The following PKP1 variants were observed in gnomAD, a reference collection of about 807,000 sequenced individuals.
PKP1 encodes the protein plakophilin-1.
PKP1 carries 27 observed loss-of-function variants against 76.4 expected under a neutral mutation model. The ratio of observed to expected loss-of-function variants is 0.35; its 90% confidence interval spans 0.26 to 0.49. The LOEUF (loss-of-function observed/expected upper bound fraction) is 0.49, where lower values mean the gene tolerates loss of function less well. Ranked by LOEUF, PKP1 falls within the 20% of genes least tolerant of loss-of-function variation. The probability of loss-of-function intolerance (pLI) is 0.99; values close to 1 mark genes in which losing one functional copy is unlikely to be tolerated. For missense variants in PKP1, 964 were observed against 955.2 expected (o/e 1.01, Z -0.12); for synonymous variants, 404 against 384.2 (o/e 1.05, Z -0.60).
intron 3 of PKP1, chr1:201,316,305 G>A (rs570720669): frequency 1.1e-5 from 6 of 532,086 alleles, no homozygotes; most frequent in East Asian, 9.2e-5. Context: ...ATACCTGCTA[G>A]GACATTAACT....
At chr1:201,313,608 G>A in intron 3 of PKP1, 48 bp downstream of exon 3, 1 of 1,587,518 alleles carries the variant, frequency 6.3e-7, no homozygotes, top group Non-Finnish European at 8.6e-7. Flanking sequence ...CCAGTGGGGA[G>A]ACACACCCTT....
Position 201,304,757 on chromosome 1 carries a change from ACT to A in PKP1, c.307-8406_307-8405del, listed in dbSNP as rs1656327341. On this transcript the variant is annotated intron_variant, in intron 2 of 13. Transcript: ENST00000367324. The stretch of plus-strand genomic sequence containing the variant: ...CTGTAGGCTTTGTTTGTGTCACCAG[ACT>A]CTGGTAGCAGAGTGGCTGGAAGAAA... 7.9e-5 allele frequency among the ~76,000 whole-genome samples: 12 copies of A among 152,100 alleles called. No homozygotes were observed. The South Asian group carries it at 2.5e-3, about 32-fold the overall frequency.
At chr1:201,289,688 GCACACACACACACACA>G (rs3057891) in intron 1 of PKP1, among the ~76,000 whole-genome samples, 6 of 145,052 alleles carry the variant, frequency 4.1e-5, no homozygotes, top group Admixed American at 3.5e-4. Flanking sequence ...TGGGAGGAGT[GCACACACACACACACA>G]CACACACACA....
chr1:201,301,277 A>C (rs1347496224), intron 2 of PKP1, among the ~76,000 whole-genome samples: 3 of 152,202 alleles, frequency 2.0e-5, no homozygotes, highest in African/African-American at 7.2e-5. Flanking sequence ...GCTGCTTAGC[A>C]AGTGGGGAGC....
Position 201,321,857 on chromosome 1 carries a change from C to T in PKP1, c.1348-121C>T, listed in dbSNP as rs12122545. 110,700 of 1,090,508 alleles carry T rather than the reference C, an allele frequency of 0.1. 6,821 individuals carry two copies. The highest frequency in any genetic ancestry group is 0.21 in the African/African-American group (13,690 of 64,710). The allele number at this position is 1,090,508 out of a possible 1,614,324, so 67.6% of individuals were successfully genotyped here. ...CAGGCTGATAGTGTGGTGGTGCCTG[C>T]GCTCATCTTTCCCGATGCAGCCCAG... is the stretch of plus-strand genomic sequence containing the variant. On this transcript the variant is annotated intron_variant, in intron 7 of 13. Transcript: ENST00000367324.
chr1:201,306,459 G>A (rs952453285), intron 2 of PKP1, among the ~76,000 whole-genome samples: 1 of 152,262 alleles, frequency 6.6e-6, no homozygotes, highest in Non-Finnish European at 1.5e-5. Context: ...CCTCACTGGA[G>A]AAAGAAGCAT....
chr1:201,325,807 C>T lies in PKP1; in HGVS notation c.2075C>T (p.Ser692Phe), dbSNP rs927887275. Residue 692 changes from serine to phenylalanine, a missense_variant, in exon 12 of 14, where the codon TCC (serine) becomes TTC (phenylalanine). Ser to Phe is a radical substitution (Grantham distance 155, BLOSUM62 -2). Coordinates refer to ENST00000367324, the MANE Select transcript of PKP1 (RefSeq NM_001005337.3). Reference sequence around the variant, plus strand: ...CGGCTTCTCCTGTCTGACATGTGGTCCAGCAAGGAACTGCAGGGTGTCCTC... The same window carrying T: ...CGGCTTCTCCTGTCTGACATGTGGTTCAGCAAGGAACTGCAGGGTGTCCTC... ...AARLLLSDMW[S>F]SKELQGVLRQ... 1 of 1,613,860 alleles carries T rather than the reference C, an allele frequency of 6.2e-7. No individual in the cohort carries two copies. The highest frequency in any genetic ancestry group is 8.5e-7 in the Non-Finnish European group (1 of 1,179,918).
Position 201,320,383 on chromosome 1 carries a change from T to C in PKP1, c.1347+2T>C. The C allele has an allele frequency of 1.9e-6, 3 of 1,593,366 alleles. No homozygotes were observed. Among genetic ancestry groups the C allele is most frequent in the Non-Finnish European group, 2.6e-6 (3 of 1,161,198 alleles). On this transcript the variant is annotated splice_donor_variant, in intron 7 of 13. Coordinates refer to ENST00000367324, the MANE Select transcript of PKP1 (RefSeq NM_001005337.3). LOFTEE classifies it high-confidence loss of function. ...GCGGCCAGCCGCTGTGACGACAAGG[T>C]GAGTGCATCCCCTGGTGGCACCCTG...
chr1:201,284,210 C>A (rs1655658645), intron 1 of PKP1, among the ~76,000 whole-genome samples: 1 of 152,186 alleles, frequency 6.6e-6, no homozygotes, highest in South Asian at 2.1e-4. Flanking sequence ...GAGGATCCCC[C>A]GCGAGCGGTT....
chr1:201,326,696 G>A (rs966246605), intron 12 of PKP1, among the ~76,000 whole-genome samples: 4 of 152,230 alleles, frequency 2.6e-5, no homozygotes, highest in Admixed American at 1.3e-4. Context: ...CCAGGCTGGA[G>A]GTGGTGTGGG....
In PKP1 at chr1:201,316,522, C is replaced by G. The variant is rs535979703; in HGVS notation, c.702-31C>G. 17 of 1,580,860 alleles carry G rather than the reference C, an allele frequency of 1.1e-5. No individual in the cohort carries two copies. In the African/African-American group the frequency reaches 1.5e-4, roughly 14 times the overall value. On this transcript the variant is annotated intron_variant, in intron 3 of 13. Transcript: ENST00000367324. Reference sequence around the variant, plus strand: ...CCTCAGCAGGGCTCCCAGCCCACCCCGTAACCACCCCCACTGCCTATTCTT... The same window carrying G: ...CCTCAGCAGGGCTCCCAGCCCACCCGGTAACCACCCCCACTGCCTATTCTT...
At position 201,320,256 on chromosome 1, in the gene PKP1, C is replaced by T. The variant is rs961671769; in HGVS notation, c.1233-11C>T. The T allele has an allele frequency of 6.3e-7, 1 of 1,588,706 alleles. No homozygotes were observed. Among genetic ancestry groups the T allele is most frequent in the African/African-American group, 1.3e-5 (1 of 74,400 alleles). ...TTTCTCTGCCCTCTTCCACCCTCTT[C>T]TCTCCCCCAGGAACCTGAGCTCGGC... On this transcript the variant is annotated splice_polypyrimidine_tract_variant and intron_variant, in intron 6 of 13. Coordinates refer to ENST00000367324, the MANE Select transcript of PKP1 (RefSeq NM_001005337.3).
At chr1:201,320,843 C>A (rs57503547) in intron 7 of PKP1, among the ~76,000 whole-genome samples, 15,841 of 152,144 alleles carry the variant, frequency 0.1, 1,215 homozygotes, top group African/African-American at 0.23. Flanking sequence ...ATACTGGTGC[C>A]CCCAGGGCTT....
rs1342743399 is a variant in PKP1 at position 201,316,113 on chromosome 1, T to TGGACGGAC, written c.702-433_702-432insCGGACGGA. 159 of 119,990 alleles carry TGGACGGAC rather than the reference T, an allele frequency of 1.3e-3. 1 individual carries two copies. The highest frequency in any genetic ancestry group is 2.4e-3 in the South Asian group (10 of 4,086). 7.4% of individuals were successfully genotyped at this position (119,990 alleles called of 1,614,324 possible). On this transcript the variant is annotated intron_variant, in intron 3 of 13. Transcript: ENST00000367324. ...ACGGACGGATGGATGGACAGATGGA[T>TGGACGGAC]GGACGGATGGACGGACGGACGGACG... is the stretch of plus-strand genomic sequence containing the variant.
intron 2 of PKP1, among the ~76,000 whole-genome samples, chr1:201,311,944 A>T (rs1384082473): frequency 6.6e-6 from 1 of 152,242 alleles, no homozygotes; most frequent in East Asian, 1.9e-4. Context: ...CCAACCTCAC[A>T]GGCCCCTCCC....
intron 1 of PKP1, among the ~76,000 whole-genome samples, chr1:201,286,538 A>G (rs1241438733): frequency 6.6e-6 from 1 of 152,128 alleles, no homozygotes; most frequent in Admixed American, 6.5e-5. Context: ...GGGCCCCTGG[A>G]GCCTGTCACA....
intron 2 of PKP1, among the ~76,000 whole-genome samples, chr1:201,310,226 C>T (rs1656506559): frequency 6.6e-6 from 1 of 152,246 alleles, no homozygotes; most frequent in Non-Finnish European, 1.5e-5. Flanking sequence ...CGAGCAAACA[C>T]TCATATCGTG....
In PKP1 at chr1:201,328,797, T is replaced by C. The variant is rs1413518556; in HGVS notation, c.2142T>C (p.Ala714=). The C allele has an allele frequency of 6.2e-7, 1 of 1,614,162 alleles. No homozygotes were observed. Among genetic ancestry groups the C allele is most frequent in the Admixed American group, 1.7e-5 (1 of 60,018 alleles). ...GFDRNMLGTL[A]GANSLRNFTS... The stretch of plus-strand genomic sequence containing the variant: ...ATAGGAACATGCTGGGAACCTTAGC[T>C]GGGGCCAACAGCCTCAGGAACTTCA... Residue 714 remains alanine, a synonymous_variant, in exon 13 of 14, where the codon GCT becomes GCC. Transcript: ENST00000367324.
chr1:201,291,004 C>T (rs750254420), intron 1 of PKP1, among the ~76,000 whole-genome samples: 3 of 152,138 alleles, frequency 2.0e-5, no homozygotes, highest in Non-Finnish European at 4.4e-5. Flanking sequence ...GTCAGACACC[C>T]CAGGGTCAAG....
Sources: gnomAD v4.1 joint callset for allele counts (sites outside exome capture counted in the v4.1 genomes callset) on GRCh38, gnomAD v4.1.1 for gene constraint, MANE v1.5 for transcripts, NCBI Gene and HGNC (gene_info 2026-07-23, HGNC 2026-07-21) for gene names.